Variants in EYA1 observed in about 807,000 individuals in gnomAD.
EYA1 encodes the protein EYA transcriptional coactivator and phosphatase 1.
In EYA1, 16 loss-of-function variants were observed where a neutral mutation model predicts 82.0. The observed-to-expected ratio is 0.20, with a 90% confidence interval of 0.13 to 0.30. EYA1 has a LOEUF of 0.30. Among genes scored for constraint, EYA1 ranks in the 10% least tolerant of loss-of-function variants. The probability of loss-of-function intolerance (pLI) is 1.00; values close to 1 mark genes in which losing one functional copy is unlikely to be tolerated. For missense variants in EYA1, 633 were observed against 730.7 expected, an observed-to-expected ratio of 0.87 and a Z score of 1.54; for synonymous variants, 261 against 264.4, an observed-to-expected ratio of 0.99 and a Z score of 0.12.
chr8:71,314,963 T>G (rs563114408), intron 7 of EYA1, among the ~76,000 whole-genome samples: 75 of 147,678 alleles, frequency 5.1e-4, no homozygotes, highest in Non-Finnish European at 7.6e-4. Context: ...TCCAAATTCA[T>G]TTCCTTTTCT....
At chr8:71,402,441 C>G (rs1830007747) in intron 2 of EYA1, among the ~76,000 whole-genome samples, 1 of 152,124 alleles carries the variant, frequency 6.6e-6, no homozygotes, top group Non-Finnish European at 1.5e-5. Flanking sequence ...AAACAATAAA[C>G]TATTATTAAG....
Position 71,314,859 on chromosome 8 carries a change from A to G in EYA1, c.556+2693T>C, listed in dbSNP as rs534670596. On this transcript the variant is annotated intron_variant, in intron 7 of 17. Transcript: ENST00000340726. ...AAAAGTTTTAATGCAATATCCAGTA[A>G]GCCCAGATGATAATAAATCTATGGC... Among the ~76,000 whole-genome samples the G allele has an allele frequency of 2.0e-4, 31 of 152,360 alleles. No homozygotes were observed. The South Asian group carries it at 6.4e-3, about 32-fold the overall frequency.
chr8:71,271,868 G>A lies in EYA1; in HGVS notation c.856C>T (p.Pro286Ser), dbSNP rs1252089449. The A allele has an allele frequency of 1.7e-5, 27 of 1,614,202 alleles. No homozygotes were observed. The highest frequency in any genetic ancestry group is 2.3e-5 in the Non-Finnish European group (27 of 1,180,030). ...CGATCAGAATCTGAATCTTTAATGG[G>A]TGTTGATGGGCTGTGGATTGTGCTG... ...EYSTIHSPST[P>S]IKDSDSDRLR... Residue 286 changes from proline (P) to serine (S), a missense_variant, in exon 10 of 18, where the codon CCC (proline) becomes TCC (serine). Pro to Ser is a moderately conservative substitution (Grantham distance 74, BLOSUM62 -1). Transcript: ENST00000340726.
At chr8:71,378,979 T>C (rs12335144) in intron 2 of EYA1, among the ~76,000 whole-genome samples, 17,530 of 152,244 alleles carry the variant, frequency 0.12, 1,060 homozygotes, top group South Asian at 0.17. Flanking sequence ...AACATGTGTT[T>C]ATCAAAGCAC....
intron 2 of EYA1, among the ~76,000 whole-genome samples, chr8:71,503,446 C>G (rs1292872919): frequency 6.6e-6 from 1 of 151,506 alleles, no homozygotes; most frequent in Non-Finnish European, 1.5e-5. Context: ...GCATTGCAGC[C>G]TGGGCTACAG....
intron 11 of EYA1, among the ~76,000 whole-genome samples, chr8:71,268,710 T>C (rs532399873): frequency 6.6e-6 from 1 of 152,314 alleles, no homozygotes; most frequent in Non-Finnish European, 1.5e-5. Context: ...AGGTGTACCT[T>C]TGAGATGATG....
chr8:71,211,754 A>G (rs1244076692), intron 16 of EYA1, among the ~76,000 whole-genome samples: 2 of 152,258 alleles, frequency 1.3e-5, no homozygotes, highest in Admixed American at 6.5e-5. Context: ...TGTTCTAGCA[A>G]GAAAACGCAA....
At chr8:71,255,980 T>A (rs1460544905) in intron 11 of EYA1, among the ~76,000 whole-genome samples, 1 of 152,058 alleles carries the variant, frequency 6.6e-6, no homozygotes, top group Admixed American at 6.6e-5. Flanking sequence ...ATGAGGGAAA[T>A]GTGAACCCAA....
intron 8 of EYA1, 33 bp from the exon 9 acceptor site, chr8:71,299,266 C>G (rs1358903579): frequency 6.3e-7 from 1 of 1,595,910 alleles, no homozygotes; most frequent in Admixed American, 1.7e-5. Flanking sequence ...AATTGTCTGT[C>G]AAAATACTGC....
chr8:71,423,032 A>G (rs974810099), intron 2 of EYA1, among the ~76,000 whole-genome samples: 5 of 152,236 alleles, frequency 3.3e-5, no homozygotes, highest in African/African-American at 7.2e-5. Context: ...CACAAAAATA[A>G]GAACCTAAAT....
At chr8:71,380,141 C>A (rs1828612973) in intron 2 of EYA1, among the ~76,000 whole-genome samples, 1 of 152,170 alleles carries the variant, frequency 6.6e-6, no homozygotes, top group Non-Finnish European at 1.5e-5. Flanking sequence ...GGTTCAATAG[C>A]CTCTTTTTTC....
At chr8:71,370,866 G>A (rs1828040669) in intron 2 of EYA1, among the ~76,000 whole-genome samples, 1 of 151,838 alleles carries the variant, frequency 6.6e-6, no homozygotes, top group South Asian at 2.1e-4. Flanking sequence ...CTCAAGCGAT[G>A]CTCCCACCTT....
At chr8:71,542,569 G>T (rs1815226625) in intron 1 of EYA1, among the ~76,000 whole-genome samples, 1 of 152,170 alleles carries the variant, frequency 6.6e-6, no homozygotes, top group African/African-American at 2.4e-5. Context: ...ATTCTCTTGG[G>T]TATATTCCCA....
At chr8:71,309,903 C>A (rs1026115554) in intron 7 of EYA1, among the ~76,000 whole-genome samples, 16 of 152,192 alleles carry the variant, frequency 1.1e-4, no homozygotes, top group African/African-American at 3.6e-4. Context: ...CAACATTATA[C>A]ACAAAGAGGG....
intron 3 of EYA1, among the ~76,000 whole-genome samples, chr8:71,344,726 A>T (rs1449874196): frequency 6.6e-6 from 1 of 152,258 alleles, no homozygotes; most frequent in Admixed American, 6.5e-5. Context: ...CAGGGCACTG[A>T]ATAAAAGTAT....
At chr8:71,375,437 G>A (rs1269060407) in intron 2 of EYA1, among the ~76,000 whole-genome samples, 1 of 152,082 alleles carries the variant, frequency 6.6e-6, no homozygotes, top group Non-Finnish European at 1.5e-5. Context: ...GAATGTGTTG[G>A]GGGTGGGAGT....
intron 2 of EYA1, among the ~76,000 whole-genome samples, chr8:71,450,150 G>A (rs1181721886): frequency 6.6e-6 from 1 of 152,224 alleles, no homozygotes; most frequent in African/African-American, 2.4e-5. Context: ...GTTCACTGAA[G>A]TAACACTTGT....
In EYA1 at chr8:71,362,060, A is replaced by G. The variant is rs1258457754; in HGVS notation, c.-468T>C. 21 of 984,784 alleles carry G rather than the reference A, an allele frequency of 2.1e-5. No homozygotes were observed. The highest frequency in any genetic ancestry group is 4.7e-5 in the South Asian group (1 of 21,270). 61.0% of individuals were successfully genotyped at this position (984,784 alleles called of 1,614,324 possible). A position where few individuals can be genotyped will look rare whatever the true frequency, so the allele number is the denominator to read the frequency against. On this transcript the variant is annotated 5_prime_UTR_variant, in exon 1 of 18. Coordinates refer to ENST00000340726, the MANE Select transcript of EYA1 (RefSeq NM_000503.6). ...TCCCCACCAAACAGCAGCGGCAGAT[A>G]GCATCTGAGAACCCTAGACAAAGAA... is the stretch of plus-strand genomic sequence containing the variant.
intron 2 of EYA1, among the ~76,000 whole-genome samples, chr8:71,494,143 A>G (rs1156758482): frequency 6.6e-6 from 1 of 152,038 alleles, no homozygotes; most frequent in Non-Finnish European, 1.5e-5. Flanking sequence ...TATAAAGTAC[A>G]ATTATTATAT....
Sources: gnomAD v4.1 joint callset for allele counts (sites outside exome capture counted in the v4.1 genomes callset) on GRCh38, gnomAD v4.1.1 for gene constraint, MANE v1.5 for transcripts, NCBI Gene and HGNC (gene_info 2026-07-23, HGNC 2026-07-21) for gene names.